Variants in PITPNM2 observed in about 807,000 individuals in gnomAD.
The protein encoded by PITPNM2 is membrane-associated phosphatidylinositol transfer protein 2.
PITPNM2 carries 35 observed loss-of-function variants against 132.2 expected under a neutral mutation model. The ratio of observed to expected loss-of-function variants is 0.26; its 90% confidence interval spans 0.20 to 0.35. PITPNM2 has a LOEUF of 0.35. PITPNM2 is among the 10% of genes least tolerant of loss of function. The pLI, the probability that PITPNM2 is intolerant of heterozygous loss-of-function variation, is 1.00. For missense variants in PITPNM2, 1,332 were observed against 1,912.0 expected, an observed-to-expected ratio of 0.70 and a Z score of 5.66; for synonymous variants, 738 against 799.2, an observed-to-expected ratio of 0.92 and a Z score of 1.29.
chr12:123,142,422 G>A (rs2043524137), intron 1 of PITPNM2, among the ~76,000 whole-genome samples: 2 of 152,258 alleles, frequency 1.3e-5, no homozygotes, highest in Middle Eastern at 3.2e-3. Flanking sequence ...AGTCTCGAGT[G>A]ATGCATGCCC....
At chr12:123,100,243 C>T (rs562005281) in intron 2 of PITPNM2, among the ~76,000 whole-genome samples, 1 of 152,338 alleles carries the variant, frequency 6.6e-6, no homozygotes, top group African/African-American at 2.4e-5. Context: ...CTGGCAATTC[C>T]TCAAATATGC....
intron 3 of PITPNM2, among the ~76,000 whole-genome samples, chr12:123,018,673 T>C (rs2039543503): frequency 6.6e-6 from 1 of 152,142 alleles, no homozygotes; most frequent in African/African-American, 2.4e-5. Context: ...TGTCTCAAAC[T>C]CTTGGCCTCA....
At chr12:122,989,982 G>A (rs11612594) in intron 17 of PITPNM2, 34 bp from the exon 18 acceptor site, 60,795 of 1,297,276 alleles carry the variant, frequency 0.047, 1,639 homozygotes, top group Middle Eastern at 0.058. Context: ...GCTCAGCCAC[G>A]CGGGGATGAC....
intron 1 of PITPNM2, among the ~76,000 whole-genome samples, chr12:123,130,290 G>A (rs550055808): frequency 5.9e-5 from 9 of 152,034 alleles, no homozygotes; most frequent in African/African-American, 1.7e-4. Context: ...GGGACGGAAG[G>A]GCACACTTTC....
At chr12:123,014,674 C>T (rs10848291) in intron 3 of PITPNM2, among the ~76,000 whole-genome samples, 1,739 of 152,274 alleles carry the variant, frequency 0.011, 35 homozygotes, top group South Asian at 0.055. Flanking sequence ...TGCACTCCAG[C>T]CTTGGTGACA....
chr12:123,141,359 G>T (rs1163371992), intron 1 of PITPNM2, among the ~76,000 whole-genome samples: 1 of 152,212 alleles, frequency 6.6e-6, no homozygotes, highest in African/African-American at 2.4e-5. Context: ...AGGTGGGTAA[G>T]CGGGAAAGGC....
rs1298704490 is a variant in PITPNM2 at position 123,022,570 on chromosome 12, C to G, written c.79-8528G>C. On this transcript the variant is annotated intron_variant, in intron 3 of 25. Coordinates refer to ENST00000320201, the MANE Select transcript of PITPNM2 (RefSeq NM_020845.3). This position sits in a 1 kb window ranked among gnomAD's most constrained non-coding sequence, Gnocchi z 4.9. The stretch of plus-strand genomic sequence containing the variant: ...CTCAGTTTACAACTTGCCTTTGCAC[C>G]CACCTGTTCTCTGCACTTCAGAGCC... 6.6e-6 allele frequency among the ~76,000 whole-genome samples: 1 copy of G among 152,102 alleles called. No homozygotes were observed. The highest frequency in any genetic ancestry group is 2.4e-5 in the African/African-American group (1 of 41,410).
At chr12:123,002,566 C>T (rs756541154) in intron 8 of PITPNM2, among the ~76,000 whole-genome samples, 1 of 152,078 alleles carries the variant, frequency 6.6e-6, no homozygotes, top group Non-Finnish European at 1.5e-5. Flanking sequence ...GCATGCGCCA[C>T]GACACTTGGC....
rs1338164993 is a variant in PITPNM2, at chr12:122,991,630, CT to C, written c.2404+868del. The C allele has an allele frequency of 2.2e-5, 23 of 1,057,778 alleles. No homozygotes were observed. In the Admixed American group the frequency reaches 9.7e-4, roughly 45 times the overall value. 65.5% of individuals were successfully genotyped at this position (1,057,778 alleles called of 1,614,324 possible). A position where few individuals can be genotyped will look rare whatever the true frequency, so the allele number is the denominator to read the frequency against. On this transcript the variant is annotated intron_variant, in intron 16 of 25. Transcript: ENST00000320201. ...CCCCAGAGCCGTCCTGCCCAAGTCTCTGTTCCTCACCACCCAGGTCCCACGA... is the reference window on the plus strand; with the variant it reads ...CCCCAGAGCCGTCCTGCCCAAGTCTCGTTCCTCACCACCCAGGTCCCACGA...
chr12:123,057,403 A>T (rs1221009706), intron 2 of PITPNM2, among the ~76,000 whole-genome samples: 2 of 151,616 alleles, frequency 1.3e-5, no homozygotes, highest in Non-Finnish European at 2.9e-5. Flanking sequence ...AAAAAAATTT[A>T]AATTCAAAAA....
intron 2 of PITPNM2, chr12:123,088,513 G>C (rs2042173623): frequency 6.6e-6 from 1 of 152,344 alleles, no homozygotes; most frequent in South Asian, 2.1e-4. Flanking sequence ...TGGGTGGAAG[G>C]TAGCGACTGG....
intron 8 of PITPNM2, among the ~76,000 whole-genome samples, chr12:123,003,289 T>G (rs921228669): frequency 2.0e-5 from 3 of 152,124 alleles, no homozygotes; most frequent in African/African-American, 7.2e-5. Flanking sequence ...CCCCCTCCAG[T>G]CCTGGATGGG....
intron 2 of PITPNM2, among the ~76,000 whole-genome samples, chr12:123,068,076 C>G (rs971396729): frequency 3.3e-5 from 5 of 152,230 alleles, no homozygotes; most frequent in African/African-American, 9.6e-5. Context: ...TGGCCTCCCC[C>G]TGCCCAGCCT....
rs2038901821 is a variant in PITPNM2, at chr12:123,005,791, A to C, written c.644-243T>G. On this transcript the variant is annotated intron_variant, in intron 6 of 25. Transcript: ENST00000320201. The surrounding 1 kb of genome is among the most constrained non-coding windows in gnomAD (Gnocchi z 6.2). ...TAGAGTGGAGGGGCCTCCCAAAGCAATGTGTCCGGTCAGAAGCCACAGTTG... is the reference window on the plus strand; with the variant it reads ...TAGAGTGGAGGGGCCTCCCAAAGCACTGTGTCCGGTCAGAAGCCACAGTTG... The C allele has an allele frequency of 1.8e-6, 1 of 547,060 alleles. No individual in the cohort carries two copies. The highest frequency in any genetic ancestry group is 3.2e-6 in the Non-Finnish European group (1 of 309,102). 33.9% of individuals were successfully genotyped at this position (547,060 alleles called of 1,614,324 possible). A position where few individuals can be genotyped will look rare whatever the true frequency, so the allele number is the denominator to read the frequency against.
At chr12:123,091,738 CA>C (rs1403595804) in intron 2 of PITPNM2, 1 of 152,244 alleles carries the variant, frequency 6.6e-6, no homozygotes, top group African/African-American at 2.4e-5. Context: ...TTCCCGCTGT[CA>C]CCCAGAGCAT....
intron 1 of PITPNM2, among the ~76,000 whole-genome samples, chr12:123,118,715 C>T (rs1566300778): frequency 1.3e-5 from 2 of 152,230 alleles, no homozygotes; most frequent in Non-Finnish European, 2.9e-5. Flanking sequence ...GGTGTACGGA[C>T]AGCTTTGCAG....
intron 1 of PITPNM2, among the ~76,000 whole-genome samples, chr12:123,137,121 G>A (rs1016791468): frequency 1.3e-5 from 2 of 152,166 alleles, no homozygotes; most frequent in South Asian, 2.1e-4. Flanking sequence ...CCACCCAGGC[G>A]GCTGCCCATG....
chr12:122,995,890 G>C (rs1032424648), intron 13 of PITPNM2, among the ~76,000 whole-genome samples: 1 of 152,202 alleles, frequency 6.6e-6, no homozygotes, highest in African/African-American at 2.4e-5. Flanking sequence ...CAGAGGCAGG[G>C]AAGCAGAGAG....
In PITPNM2 at chr12:122,990,664, GC is replaced by G; in HGVS notation, c.2449del (p.Ala817ProfsTer142). 8 of 1,611,848 alleles carry G rather than the reference GC, an allele frequency of 5.0e-6. No individual in the cohort carries two copies. Among genetic ancestry groups the G allele is most frequent in the Non-Finnish European group, 6.8e-6 (8 of 1,179,884 alleles). On this transcript the variant is annotated frameshift_variant, in exon 17 of 26. Coordinates refer to ENST00000320201, the MANE Select transcript of PITPNM2 (RefSeq NM_020845.3). LOFTEE classifies it high-confidence loss of function. Reference sequence around the variant, plus strand: ...AGGGGCAGTGCCCGGCGAGGAGGGGGCGCCATGCTCTTGGAAGGCTGCATTG... The same window carrying G: ...AGGGGCAGTGCCCGGCGAGGAGGGGGGCCATGCTCTTGGAAGGCTGCATTG... ...THNAAFQEHG[A>X]PSSPGTAPAS...
Sources: gnomAD v4.1 joint callset for allele counts (sites outside exome capture counted in the v4.1 genomes callset) on GRCh38, gnomAD v4.1.1 for gene constraint, Gnocchi (gnomAD v3.1) non-coding constraint, MANE v1.5 for transcripts, NCBI Gene and HGNC (gene_info 2026-07-23, HGNC 2026-07-21) for gene names.